Variants in SDK1 observed in about 807,000 individuals in gnomAD.
SDK1 encodes sidekick cell adhesion molecule 1, also known as protein sidekick-1.
A neutral mutation model predicts 245.5 loss-of-function variants in SDK1; 157 were observed. The ratio of observed to expected loss-of-function variants is 0.64; its 90% CI spans 0.56 to 0.73. The LOEUF is 0.73. SDK1 is among the 30% of genes least tolerant of loss of function. The probability of loss-of-function intolerance (pLI) is 0.00; values close to 1 mark genes in which losing one functional copy is unlikely to be tolerated. For synonymous variants in SDK1, 1,647 were observed against 1,278.5 expected (o/e 1.29, Z -6.15); for missense variants, 3,583 against 3,002.3 (o/e 1.19, Z -4.52).
intron 7 of SDK1, among the ~76,000 whole-genome samples, chr7:3,953,129 TTAAA>T (rs1780963997): frequency 6.6e-6 from 1 of 150,464 alleles, no homozygotes; most frequent in Admixed American, 6.6e-5. Context: ...AGAGAGCCCC[TTAAA>T]TAAAAAAATT....
intron 43 of SDK1, 105 bp downstream of exon 43, chr7:4,242,018 C>T (rs1297504782): frequency 2.8e-6 from 4 of 1,416,462 alleles, no homozygotes; most frequent in East Asian, 2.4e-5. Context: ...CCTGTGGTTC[C>T]AGGAAGCAAA....
intron 1 of SDK1, among the ~76,000 whole-genome samples, chr7:3,558,182 A>C (rs147812264): frequency 2.0e-3 from 300 of 152,320 alleles, no homozygotes; most frequent in African/African-American, 6.9e-3. Context: ...TTCATATGAC[A>C]TTTCTTTTCA....
At chr7:3,565,308 T>C (rs1461550262) in intron 1 of SDK1, among the ~76,000 whole-genome samples, 1 of 152,160 alleles carries the variant, frequency 6.6e-6, no homozygotes, top group African/African-American at 2.4e-5. Flanking sequence ...CTGGGAAATA[T>C]GGTTGTTATC....
At chr7:3,395,214 C>G (rs567532482) in intron 1 of SDK1, among the ~76,000 whole-genome samples, 1 of 151,990 alleles carries the variant, frequency 6.6e-6, no homozygotes, top group Middle Eastern at 3.4e-3. Context: ...CAAATGTTTT[C>G]TCTGTACCTG....
chr7:3,675,027 G>A (rs1038805086), intron 4 of SDK1, among the ~76,000 whole-genome samples: 1 of 152,136 alleles, frequency 6.6e-6, no homozygotes, highest in African/African-American at 2.4e-5. Flanking sequence ...ATCAAATTCT[G>A]TACATGGGTT....
At chr7:3,937,724 G>A (rs930572248) in intron 5 of SDK1, among the ~76,000 whole-genome samples, 8 of 152,212 alleles carry the variant, frequency 5.3e-5, no homozygotes, top group East Asian at 1.9e-4. Flanking sequence ...CCCTGCCCGC[G>A]CGTCCTGCAG....
chr7:4,234,314 G>A (rs1786006337), intron 41 of SDK1, among the ~76,000 whole-genome samples: 1 of 152,100 alleles, frequency 6.6e-6, no homozygotes, highest in Non-Finnish European at 1.5e-5. Context: ...CTGGGTCCAG[G>A]TCCAGGTCTG....
At chr7:4,005,581 T>G (rs1476344555) in intron 14 of SDK1, among the ~76,000 whole-genome samples, 5 of 152,204 alleles carry the variant, frequency 3.3e-5, no homozygotes, top group Admixed American at 3.3e-4. Context: ...TTATTTAAAC[T>G]TCCCTGAGTC....
intron 4 of SDK1, among the ~76,000 whole-genome samples, chr7:3,731,186 T>C (rs1779166700): frequency 6.6e-6 from 1 of 152,196 alleles, no homozygotes; most frequent in African/African-American, 2.4e-5. Context: ...TGGTCAAGGA[T>C]GGCCTCCAAT....
intron 22 of SDK1, among the ~76,000 whole-genome samples, chr7:4,108,897 G>C (rs1366207367): frequency 6.6e-6 from 1 of 152,140 alleles, no homozygotes; most frequent in South Asian, 2.1e-4. Context: ...GAAAGATCCT[G>C]GACATTTCGT....
At chr7:3,763,588 G>A (rs1284685566) in intron 4 of SDK1, among the ~76,000 whole-genome samples, 3 of 152,108 alleles carry the variant, frequency 2.0e-5, no homozygotes, top group African/African-American at 7.2e-5. Flanking sequence ...GTGTTTACTT[G>A]TTAAGCTAAA....
chr7:3,486,695 T>C (rs1027284193), intron 1 of SDK1, among the ~76,000 whole-genome samples: 5 of 152,156 alleles, frequency 3.3e-5, no homozygotes, highest in Admixed American at 2.0e-4. Flanking sequence ...AATAGGTAGA[T>C]AGATGTAGAG....
At chr7:3,839,413 C>G (rs1006610710) in intron 5 of SDK1, among the ~76,000 whole-genome samples, 8 of 152,044 alleles carry the variant, frequency 5.3e-5, no homozygotes, top group Admixed American at 5.2e-4. Flanking sequence ...AAGTTGTCAG[C>G]CAATAGATCA....
chr7:3,898,944 A>C (rs1781692623), intron 5 of SDK1, among the ~76,000 whole-genome samples: 1 of 152,222 alleles, frequency 6.6e-6, no homozygotes, highest in Non-Finnish European at 1.5e-5. Flanking sequence ...TTGTAAACAA[A>C]TTATCATAAA....
intron 4 of SDK1, among the ~76,000 whole-genome samples, chr7:3,666,643 T>C (rs1238907289): frequency 6.6e-6 from 1 of 152,206 alleles, no homozygotes; most frequent in African/African-American, 2.4e-5. Context: ...GGCCCTAAAA[T>C]AGTGCCTTGT....
intron 2 of SDK1, among the ~76,000 whole-genome samples, chr7:3,628,477 A>ATCT (rs1178387897): frequency 5.9e-5 from 9 of 152,042 alleles, no homozygotes; most frequent in Non-Finnish European, 1.0e-4. Flanking sequence ...AGAAGGCATG[A>ATCT]TCTTATTCCA....
intron 16 of SDK1, among the ~76,000 whole-genome samples, chr7:4,013,839 C>A (rs148257754): frequency 6.6e-6 from 1 of 152,346 alleles, no homozygotes; most frequent in African/African-American, 2.4e-5. Flanking sequence ...AACTGTCCTT[C>A]CTCATTTCAA....
intron 1 of SDK1, among the ~76,000 whole-genome samples, chr7:3,421,501 C>T (rs1779534360): frequency 6.6e-6 from 1 of 151,980 alleles, no homozygotes; most frequent in African/African-American, 2.4e-5. Flanking sequence ...TGATAGAAGA[C>T]CTTTTGACTT....
At chr7:4,000,019 C>G (rs952826280) in intron 14 of SDK1, among the ~76,000 whole-genome samples, 2 of 152,132 alleles carry the variant, frequency 1.3e-5, no homozygotes, top group Admixed American at 1.3e-4. Context: ...TGGCAGTGGC[C>G]TACAGGGAGC....
Sources: gnomAD v4.1 joint callset for allele counts (sites outside exome capture counted in the v4.1 genomes callset) on GRCh38, gnomAD v4.1.1 for gene constraint, MANE v1.5 for transcripts, NCBI Gene and HGNC (gene_info 2026-07-23, HGNC 2026-07-21) for gene names.